Variants in LMO7 observed in about 807,000 individuals in gnomAD.
The protein encoded by LMO7 is LIM domain 7.
In LMO7, 120 loss-of-function variants were observed where a neutral mutation model predicts 206.5. That is an observed-to-expected ratio of 0.58 (90% CI 0.50 to 0.68). The LOEUF (loss-of-function observed/expected upper bound fraction) is 0.68, where lower values mean the gene tolerates loss of function less well. LMO7 is among the 30% of genes least tolerant of loss of function. The pLI is 0.00. For missense variants in LMO7, 1,959 were observed against 1,957.9 expected, an observed-to-expected ratio of 1.00 and a Z score of -0.01; for synonymous variants, 706 against 681.5, an observed-to-expected ratio of 1.04 and a Z score of -0.56.
intron 4 of LMO7, among the ~76,000 whole-genome samples, chr13:75,776,160 CGGATATATAT>C (rs2050378923): frequency 3.6e-5 from 1 of 27,978 alleles, no homozygotes; most frequent in Non-Finnish European, 8.1e-5. Flanking sequence ...GTATATATAT[CGGATATATAT>C]ATATATATAT....
chr13:75,730,414 G>A (rs1377266841), intron 3 of LMO7, among the ~76,000 whole-genome samples: 13 of 151,660 alleles, frequency 8.6e-5, no homozygotes, highest in South Asian at 6.2e-4. Context: ...GTTTATTTGC[G>A]TAGAGGGTTT....
chr13:75,659,481 G>A (rs1347850956), intron 1 of LMO7, among the ~76,000 whole-genome samples: 1 of 152,200 alleles, frequency 6.6e-6, no homozygotes, highest in Non-Finnish European at 1.5e-5. Flanking sequence ...GAATCATGGC[G>A]GGAGGTGAAA....
At chr13:75,821,673 G>T in intron 14 of LMO7, 64 bp downstream of exon 14, 1 of 1,179,070 alleles carries the variant, frequency 8.5e-7, no homozygotes, top group South Asian at 1.5e-5. Context: ...AACTTGTGCA[G>T]AGGTTGGGGT....
intron 3 of LMO7, among the ~76,000 whole-genome samples, chr13:75,733,196 G>A (rs903560708): frequency 7.2e-5 from 11 of 152,250 alleles, no homozygotes; most frequent in Non-Finnish European, 1.6e-4. Flanking sequence ...GGTTACTGCT[G>A]TCTTTTTGTT....
intron 2 of LMO7, among the ~76,000 whole-genome samples, chr13:75,623,795 C>T (rs7986566): frequency 0.77 from 117,218 of 152,070 alleles, 45,952 homozygotes; most frequent in Middle Eastern, 0.88. Flanking sequence ...AGAAATGTTA[C>T]GGGGAGATAA....
At chr13:75,678,169 T>G (rs35115478) in intron 1 of LMO7, among the ~76,000 whole-genome samples, 14,565 of 152,174 alleles carry the variant, frequency 0.096, 765 homozygotes, top group Middle Eastern at 0.12. Flanking sequence ...GTAATGGGAT[T>G]GCTGGGTCAA....
intron 2 of LMO7, among the ~76,000 whole-genome samples, chr13:75,717,206 AC>A (rs1392664817): frequency 6.6e-6 from 1 of 151,944 alleles, no homozygotes; most frequent in Non-Finnish European, 1.5e-5. Context: ...TATTAAAAAT[AC>A]AAAAAATTAG....
intron 1 of LMO7, among the ~76,000 whole-genome samples, chr13:75,703,367 A>G (rs1163318697): frequency 6.6e-6 from 1 of 152,036 alleles, no homozygotes; most frequent in Non-Finnish European, 1.5e-5. Flanking sequence ...TGACTGGGGG[A>G]ATAGGAGGTA....
At chr13:75,665,235 G>A (rs964798897) in intron 1 of LMO7, among the ~76,000 whole-genome samples, 6 of 152,008 alleles carry the variant, frequency 3.9e-5, no homozygotes, top group African/African-American at 1.4e-4. Context: ...AAATTTTGAA[G>A]TTTTTGGTGT....
At chr13:75,659,503 C>T (rs893784239) in intron 1 of LMO7, among the ~76,000 whole-genome samples, 3 of 152,112 alleles carry the variant, frequency 2.0e-5, no homozygotes, top group Non-Finnish European at 4.4e-5. Flanking sequence ...GCACTTCTTA[C>T]GTGGATGGCA....
chr13:75,623,299 A>G, exon 2 of LMO7: 1 of 1,451,968 alleles, frequency 6.9e-7, no homozygotes, highest in East Asian at 2.3e-5. Flanking sequence ...AACAAAATTC[A>G]GGAAGGACTA....
chr13:75,728,783 A>T (rs370213767), intron 3 of LMO7, among the ~76,000 whole-genome samples: 4 of 137,184 alleles, frequency 2.9e-5, no homozygotes, highest in African/African-American at 8.9e-5. Context: ...TCTTTAATCC[A>T]TCTTGAATTA....
In LMO7 at chr13:75,840,589, G is replaced by A. The variant is rs878881248; in HGVS notation, c.3582+94G>A. 2.2e-5 allele frequency: 31 copies of A among 1,413,026 alleles called. 1 individual carries two copies. Among genetic ancestry groups the A allele is most frequent in the South Asian group, 1.7e-4 (13 of 75,944 alleles). The allele number at this position is 1,413,026 out of a possible 1,614,324, so 87.5% of individuals were successfully genotyped here. On this transcript the variant is annotated intron_variant, in intron 22 of 30. Coordinates refer to ENST00000377534, the MANE Select transcript of LMO7 (RefSeq NM_001306080.2). ...CAGTATTGAGAAACTAATTTTAAAC[G>A]CAACAATCTCACAACTAACAAATAT... is the stretch of plus-strand genomic sequence containing the variant.
At chr13:75,799,153 A>G (rs946146363) in intron 6 of LMO7, among the ~76,000 whole-genome samples, 10 of 152,320 alleles carry the variant, frequency 6.6e-5, no homozygotes, top group Middle Eastern at 3.4e-3. Context: ...CTTGAAATCT[A>G]CTAGACTTTA....
chr13:75,657,914 G>A (rs2139218666), intron 1 of LMO7, among the ~76,000 whole-genome samples: 1 of 152,198 alleles, frequency 6.6e-6, no homozygotes, highest in South Asian at 2.1e-4. Flanking sequence ...TAAGAATTTT[G>A]TGGATCCTTA....
chr13:75,782,384 A>G (rs187575650), intron 4 of LMO7, among the ~76,000 whole-genome samples: 48 of 152,342 alleles, frequency 3.2e-4, no homozygotes, highest in African/African-American at 1.1e-3. Context: ...ACAATATAAT[A>G]AAGGTGACTT....
intron 2 of LMO7, among the ~76,000 whole-genome samples, chr13:75,626,593 A>ATATATATATAT (rs1566249204): frequency 3.1e-5 from 2 of 64,664 alleles, no homozygotes; most frequent in African/African-American, 7.5e-5. Context: ...ATATATATAT[A>ATATATATATAT]AATTTTTTTG....
chr13:75,760,474 A>G, intron 3 of LMO7: 1 of 1,237,894 alleles, frequency 8.1e-7, no homozygotes, highest in Non-Finnish European at 1.0e-6. Context: ...TCATAGAAAC[A>G]GAATGTTCCT....
intron 12 of LMO7, 130 bp from the exon 13 acceptor site, chr13:75,819,263 T>C: frequency 8.8e-7 from 1 of 1,135,010 alleles, no homozygotes; most frequent in Non-Finnish European, 1.2e-6. Flanking sequence ...AAAGCAAAAT[T>C]AGGGCACCTT....
Sources: allele counts gnomAD v4.1 joint callset (sites outside exome capture counted in the v4.1 genomes callset), GRCh38; gene constraint gnomAD v4.1.1; transcripts MANE v1.5; gene names NCBI Gene and HGNC (gene_info 2026-07-23, HGNC 2026-07-21).